SPAG16: variants seen among roughly 807,000 people sequenced by gnomAD.
SPAG16 encodes sperm associated antigen 16, also known as sperm-associated antigen 16 protein.
A neutral mutation model predicts 80.4 loss-of-function variants in SPAG16; 86 were observed. The observed-to-expected ratio is 1.07, with a 90% CI of 0.90 to 1.28. The LOEUF is 1.28. SPAG16 is among the 50% of genes most tolerant of loss of function. The pLI, the probability that SPAG16 is intolerant of heterozygous loss-of-function variation, is 0.00. For synonymous variants in SPAG16, 294 were observed against 265.9 expected (o/e 1.11, Z -1.03); for missense variants, 870 against 765.3 (o/e 1.14, Z -1.61).
intron 14 of SPAG16, among the ~76,000 whole-genome samples, chr2:214,147,284 T>C (rs1003520088): frequency 6.6e-6 from 1 of 152,126 alleles, no homozygotes; most frequent in African/African-American, 2.4e-5. Flanking sequence ...ATATTAAAAC[T>C]ATTTACCTAC....
intron 9 of SPAG16, among the ~76,000 whole-genome samples, chr2:213,387,431 C>CTTTTGTTTTT (rs2067489447): frequency 2.1e-5 from 1 of 47,898 alleles, no homozygotes; most frequent in Non-Finnish European, 3.2e-5. Context: ...AATGCATGCT[C>CTTTTGTTTTT]TTTTTTTTTT....
chr2:214,014,134 C>T, intron 13 of SPAG16, 57 bp downstream of exon 13: 1 of 1,595,164 alleles, frequency 6.3e-7, no homozygotes, highest in South Asian at 1.1e-5. Context: ...TACTCTCGGT[C>T]ATTCTTTGGG....
chr2:214,049,187 T>G (rs1039875137), intron 13 of SPAG16, among the ~76,000 whole-genome samples: 2 of 152,210 alleles, frequency 1.3e-5, no homozygotes, highest in Non-Finnish European at 2.9e-5. Flanking sequence ...GGAGAAAATG[T>G]GCTTATAGCA....
intron 5 of SPAG16, among the ~76,000 whole-genome samples, chr2:213,320,031 A>G (rs2063551190): frequency 6.6e-6 from 1 of 151,962 alleles, no homozygotes; most frequent in African/African-American, 2.4e-5. Context: ...GACATGGAAG[A>G]TTTGAAAGGA....
chr2:213,782,206 A>C (rs1158539270), intron 10 of SPAG16, among the ~76,000 whole-genome samples: 1 of 151,976 alleles, frequency 6.6e-6, no homozygotes, highest in East Asian at 1.9e-4. Context: ...TAATAAAAAA[A>C]GGAAGGAAAG....
intron 10 of SPAG16, among the ~76,000 whole-genome samples, chr2:213,806,500 A>T (rs1392573671): frequency 6.6e-6 from 1 of 152,180 alleles, no homozygotes; most frequent in Non-Finnish European, 1.5e-5. Flanking sequence ...ATTAATCATA[A>T]TGTTTATGTA....
At chr2:214,392,351 T>C (rs548949377) in intron 15 of SPAG16, among the ~76,000 whole-genome samples, 2 of 152,118 alleles carry the variant, frequency 1.3e-5, no homozygotes, top group South Asian at 2.1e-4. Context: ...AGACTGAGTC[T>C]CACCATGTTG....
At chr2:213,373,466 G>C (rs142197587) in intron 8 of SPAG16, among the ~76,000 whole-genome samples, 150 of 152,096 alleles carry the variant, frequency 9.9e-4, no homozygotes, top group African/African-American at 3.2e-3. Context: ...TTTTATTAAA[G>C]TGTGTATTTT....
chr2:213,308,029 T>C (rs1447333022), intron 3 of SPAG16, among the ~76,000 whole-genome samples: 1 of 152,190 alleles, frequency 6.6e-6, no homozygotes, highest in East Asian at 1.9e-4. Context: ...AATTTGCTGC[T>C]GAGTTTCTGT....
intron 15 of SPAG16, among the ~76,000 whole-genome samples, chr2:214,221,412 A>G (rs2058563984): frequency 6.6e-6 from 1 of 151,980 alleles, no homozygotes; most frequent in South Asian, 2.1e-4. Context: ...TGATTTTTTC[A>G]GCCTATTTTT....
At chr2:214,237,627 G>A (rs1400998893) in intron 15 of SPAG16, among the ~76,000 whole-genome samples, 1 of 151,918 alleles carries the variant, frequency 6.6e-6, no homozygotes, top group East Asian at 1.9e-4. Context: ...CCAATATTTT[G>A]TTGATTCAAT....
chr2:214,050,058 A>G (rs768141194), intron 13 of SPAG16, among the ~76,000 whole-genome samples: 9 of 152,096 alleles, frequency 5.9e-5, no homozygotes, highest in Non-Finnish European at 1.3e-4. Context: ...GAGACAATCA[A>G]CACGGCTGGT....
At chr2:213,560,759 C>G (rs182379696) in intron 10 of SPAG16, among the ~76,000 whole-genome samples, 1 of 152,110 alleles carries the variant, frequency 6.6e-6, no homozygotes, top group South Asian at 2.1e-4. Flanking sequence ...AGTTTATTTT[C>G]TTTTTATAAA....
chr2:213,303,952 A>G (rs1365868460), intron 3 of SPAG16, among the ~76,000 whole-genome samples: 1 of 152,084 alleles, frequency 6.6e-6, no homozygotes, highest in Non-Finnish European at 1.5e-5. Context: ...TTTTTGGGGA[A>G]CATCTAACCT....
intron 12 of SPAG16, among the ~76,000 whole-genome samples, chr2:213,973,282 A>G (rs1330713723): frequency 6.6e-6 from 1 of 152,036 alleles, no homozygotes; most frequent in Admixed American, 6.6e-5. Context: ...AGATTTAGGC[A>G]GTCAGTTGTG....
intron 15 of SPAG16, among the ~76,000 whole-genome samples, chr2:214,244,256 T>A (rs1689687286): frequency 6.6e-6 from 1 of 152,000 alleles, no homozygotes; most frequent in Non-Finnish European, 1.5e-5. Context: ...CATGACCTAT[T>A]ATTTATCAGC....
At chr2:214,104,109 A>G (rs2053241407) in intron 13 of SPAG16, among the ~76,000 whole-genome samples, 1 of 152,188 alleles carries the variant, frequency 6.6e-6, no homozygotes, top group East Asian at 1.9e-4. Flanking sequence ...GTATCTCCCC[A>G]GGGGTCTCTA....
intron 15 of SPAG16, among the ~76,000 whole-genome samples, chr2:214,195,002 G>A (rs1239760886): frequency 6.6e-6 from 1 of 151,988 alleles, no homozygotes; most frequent in Non-Finnish European, 1.5e-5. Context: ...AATGCAATAG[G>A]CAGATAACAG....
intron 15 of SPAG16, among the ~76,000 whole-genome samples, chr2:214,336,503 C>T (rs1024980577): frequency 1.3e-5 from 2 of 152,022 alleles, no homozygotes; most frequent in African/African-American, 4.8e-5. Flanking sequence ...TTGAAGAACA[C>T]AAATGAAACT....
Sources: gnomAD v4.1 joint callset for allele counts (sites outside exome capture counted in the v4.1 genomes callset) on GRCh38, gnomAD v4.1.1 for gene constraint, MANE v1.5 for transcripts, NCBI Gene and HGNC (gene_info 2026-07-23, HGNC 2026-07-21) for gene names.